Variants in ADAMTS2 observed in about 807,000 individuals in gnomAD.
The protein encoded by ADAMTS2 is ADAM metallopeptidase with thrombospondin type 1 motif 2.
In ADAMTS2, 50 loss-of-function variants were observed where a neutral mutation model predicts 123.0. The observed-to-expected ratio is 0.41, with a 90% CI of 0.32 to 0.51. The LOEUF is 0.51. Ranked by LOEUF, ADAMTS2 falls within the 20% of genes least tolerant of loss-of-function variation. The pLI is 0.35. For synonymous variants in ADAMTS2, 678 were observed against 695.4 expected, an observed-to-expected ratio of 0.98 and a Z score of 0.39; for missense variants, 1,494 against 1,705.2, an observed-to-expected ratio of 0.88 and a Z score of 2.18.
rs947889280 is a variant in ADAMTS2, at chr5:179,131,115, A to G, written c.2291-1017T>C. On this transcript the variant is annotated intron_variant, in intron 15 of 21. Transcript: ENST00000251582. Reference sequence around the variant, plus strand: ...ATCACGAGGTCAGGAAATGGAGACCATCCTGGCTAACACGGTGAAACCCCG... The same window carrying G: ...ATCACGAGGTCAGGAAATGGAGACCGTCCTGGCTAACACGGTGAAACCCCG... Among the ~76,000 whole-genome samples, 3 of 151,978 alleles carry G rather than the reference A, an allele frequency of 2.0e-5. No individual in the cohort carries two copies. In the South Asian group the frequency reaches 6.2e-4, roughly 32 times the overall value.
At chr5:179,153,054 C>A (rs577658462) in intron 9 of ADAMTS2, among the ~76,000 whole-genome samples, 1 of 152,214 alleles carries the variant, frequency 6.6e-6, no homozygotes, top group African/African-American at 2.4e-5. Flanking sequence ...ACGGCTCAGC[C>A]CTGGCACTTG....
intron 4 of ADAMTS2, among the ~76,000 whole-genome samples, chr5:179,183,372 C>T (rs1160106551): frequency 1.3e-5 from 2 of 152,196 alleles, no homozygotes; most frequent in Non-Finnish European, 2.9e-5. Context: ...AGGAGAAAGG[C>T]CAGGGATGAG....
intron 2 of ADAMTS2, among the ~76,000 whole-genome samples, chr5:179,324,313 CATT>C (rs931462682): frequency 4.0e-5 from 6 of 151,746 alleles, no homozygotes; most frequent in African/African-American, 9.7e-5. Flanking sequence ...GTCTCAATAA[CATT>C]ATTATCAAAA....
intron 5 of ADAMTS2, among the ~76,000 whole-genome samples, chr5:179,164,283 C>A (rs187773053): frequency 6.6e-6 from 1 of 152,316 alleles, no homozygotes; most frequent in African/African-American, 2.4e-5. Context: ...ACCCATGAGG[C>A]CCAGACATTG....
At chr5:179,309,808 G>A (rs1019330446) in intron 2 of ADAMTS2, among the ~76,000 whole-genome samples, 32 of 149,660 alleles carry the variant, frequency 2.1e-4, no homozygotes, top group African/African-American at 6.9e-4. Flanking sequence ...CCACTTGACC[G>A]GGTGGGTCAC....
At position 179,344,131 on chromosome 5, in the gene ADAMTS2, A is replaced by ATGCGC. The variant is rs1280762750; in HGVS notation, c.165_169dup (p.Ile57SerfsTer110). 1 of 1,605,588 alleles carries ATGCGC rather than the reference A, an allele frequency of 6.2e-7. No individual in the cohort carries two copies. Among genetic ancestry groups the ATGCGC allele is most frequent in the South Asian group, 1.1e-5 (1 of 90,046 alleles). On this transcript the variant is annotated frameshift_variant, in exon 2 of 22. Transcript: ENST00000251582. LOFTEE classifies it high-confidence loss of function. ...GTCAGTGCGCACGGGCACCGCCAGG[A>ATGCGC]TGCGCTCCGCTCCGTGCCCCAGGGG...
intron 5 of ADAMTS2, among the ~76,000 whole-genome samples, chr5:179,166,949 G>A (rs1763712713): frequency 6.6e-6 from 1 of 152,172 alleles, no homozygotes; most frequent in Non-Finnish European, 1.5e-5. Flanking sequence ...AGTGATGAAG[G>A]AATGAACACG....
chr5:179,207,447 T>C, intron 4 of ADAMTS2, 66 bp downstream of exon 4: 1 of 1,554,062 alleles, frequency 6.4e-7, no homozygotes, highest in Non-Finnish European at 8.8e-7. Context: ...GCTGGGCCTC[T>C]CTGGCCTGCC....
At chr5:179,199,305 G>T (rs1020646027) in intron 4 of ADAMTS2, among the ~76,000 whole-genome samples, 5 of 152,166 alleles carry the variant, frequency 3.3e-5, no homozygotes, top group African/African-American at 1.2e-4. Context: ...CCCCCAGCAG[G>T]GGCAGGATCA....
chr5:179,269,292 G>C, intron 3 of ADAMTS2, among the ~76,000 whole-genome samples: 1 of 152,202 alleles, frequency 6.6e-6, no homozygotes, highest in Non-Finnish European at 1.5e-5. Flanking sequence ...AGAGCTGTGA[G>C]AGAGGCATTT....
At chr5:179,283,157 T>C (rs1026082263) in intron 2 of ADAMTS2, among the ~76,000 whole-genome samples, 4 of 152,016 alleles carry the variant, frequency 2.6e-5, no homozygotes, top group Non-Finnish European at 5.9e-5. Context: ...AATAGCGGAA[T>C]TGCCCTCTGC....
At chr5:179,152,041 G>A in intron 10 of ADAMTS2, 101 bp downstream of exon 10, 1 of 1,074,768 alleles carries the variant, frequency 9.3e-7, no homozygotes, top group Non-Finnish European at 1.4e-6. Flanking sequence ...CCCCTGAGAG[G>A]GCCCCCACCC....
rs1762609040 is a variant in ADAMTS2, at chr5:179,113,618, T to C, written c.*249A>G. ...TCACTGAGGGAGGCCATACAGCCTC[T>C]ATATTCCTCTCCACTGCACACCTGA... On this transcript the variant is annotated 3_prime_UTR_variant, in exon 22 of 22. Coordinates refer to ENST00000251582, the MANE Select transcript of ADAMTS2 (RefSeq NM_014244.5). The C allele has an allele frequency of 5.5e-6, 3 of 545,720 alleles. No homozygotes were observed. Among genetic ancestry groups the C allele is most frequent in the Non-Finnish European group, 6.6e-6 (2 of 305,016 alleles). The allele number at this position is 545,720 out of a possible 1,614,324, so 33.8% of individuals were successfully genotyped here.
intron 4 of ADAMTS2, among the ~76,000 whole-genome samples, chr5:179,206,498 A>T (rs1048945763): frequency 4.6e-5 from 7 of 152,196 alleles, no homozygotes; most frequent in African/African-American, 1.7e-4. Flanking sequence ...AGAACTTCCC[A>T]CCTGCCCGGC....
At chr5:179,124,435 C>G (rs781662998) in intron 19 of ADAMTS2, among the ~76,000 whole-genome samples, 2 of 152,188 alleles carry the variant, frequency 1.3e-5, no homozygotes, top group African/African-American at 2.4e-5. Context: ...CCCCTCCCAC[C>G]TCTGCATGAG....
At chr5:179,211,259 G>A (rs1298282690) in intron 3 of ADAMTS2, among the ~76,000 whole-genome samples, 1 of 152,206 alleles carries the variant, frequency 6.6e-6, no homozygotes, top group Non-Finnish European at 1.5e-5. Context: ...CACCCCGCCT[G>A]GATGAGTGAT....
intron 4 of ADAMTS2, among the ~76,000 whole-genome samples, chr5:179,203,703 A>C (rs1764616478): frequency 1.3e-5 from 2 of 151,942 alleles, no homozygotes; most frequent in African/African-American, 4.9e-5. Context: ...TAAAAAAGAA[A>C]AAAAAGACAA....
chr5:179,334,154 A>G (rs1561761833), intron 2 of ADAMTS2, among the ~76,000 whole-genome samples: 1 of 152,152 alleles, frequency 6.6e-6, no homozygotes. Flanking sequence ...GCCCCCACAC[A>G]TGGCCCAAAG....
rs189447335 is a variant in ADAMTS2 at position 179,130,789 on chromosome 5, G to A, written c.2291-691C>T. 2.6e-5 allele frequency among the ~76,000 whole-genome samples: 4 copies of A among 152,228 alleles called. No homozygotes were observed. The highest frequency in any genetic ancestry group is 1.9e-4 in the East Asian group (1 of 5,162). ...TAGTGAGAAAATCATTCCCTGTCACGTCCCCTGTAATTCTGTCCACTCACA... is the reference window on the plus strand; with the variant it reads ...TAGTGAGAAAATCATTCCCTGTCACATCCCCTGTAATTCTGTCCACTCACA... On this transcript the variant is annotated intron_variant, in intron 15 of 21. Transcript: ENST00000251582. The surrounding 1 kb of genome is among the most constrained non-coding windows in gnomAD (Gnocchi z 4.3).
Sources: allele counts gnomAD v4.1 joint callset (sites outside exome capture counted in the v4.1 genomes callset), GRCh38; gene constraint gnomAD v4.1.1; non-coding constraint Gnocchi (gnomAD v3.1); transcripts MANE v1.5; gene names NCBI Gene and HGNC (gene_info 2026-07-23, HGNC 2026-07-21).